FTO: variants seen among roughly 807,000 people sequenced by gnomAD.
The protein encoded by FTO is alpha-ketoglutarate-dependent dioxygenase FTO.
A neutral mutation model predicts 63.9 loss-of-function variants in FTO; 47 were observed. That is an observed-to-expected ratio of 0.74 (90% CI 0.58 to 0.94). The LOEUF is 0.94. FTO is among the 40% of genes least tolerant of loss of function. The pLI, the probability that FTO is intolerant of heterozygous loss-of-function variation, is 0.00. For missense variants in FTO, 562 were observed against 618.1 expected, an observed-to-expected ratio of 0.91 and a Z score of 0.96; for synonymous variants, 207 against 224.4, an observed-to-expected ratio of 0.92 and a Z score of 0.69.
intron 7 of FTO, among the ~76,000 whole-genome samples, chr16:53,904,824 C>T (rs1443240968): frequency 6.6e-6 from 1 of 152,092 alleles, no homozygotes; most frequent in Non-Finnish European, 1.5e-5. Flanking sequence ...CTTCCTCCAC[C>T]TGTCAGTCTT....
chr16:54,091,695 T>C (rs1485831955), intron 8 of FTO, among the ~76,000 whole-genome samples: 3 of 152,252 alleles, frequency 2.0e-5, no homozygotes, highest in Non-Finnish European at 4.4e-5. Context: ...TGTAAACCTG[T>C]GAGTGGGCCA....
At chr16:54,097,094 G>A (rs1344429683) in intron 8 of FTO, among the ~76,000 whole-genome samples, 1 of 152,160 alleles carries the variant, frequency 6.6e-6, no homozygotes. Flanking sequence ...ATGGACGTAA[G>A]CCATACTGTT....
At chr16:53,901,728 T>C (rs116016559) in intron 7 of FTO, among the ~76,000 whole-genome samples, 2,327 of 152,288 alleles carry the variant, frequency 0.015, 45 homozygotes, top group African/African-American at 0.053. Context: ...CCTTTGCACA[T>C]AAATTTCTGC....
intron 5 of FTO, among the ~76,000 whole-genome samples, chr16:53,879,546 C>T (rs2080762949): frequency 6.6e-6 from 1 of 151,916 alleles, no homozygotes; most frequent in Admixed American, 6.6e-5. Context: ...ATTAGCTGGG[C>T]AGAGTAGTGC....
chr16:53,938,631 T>C (rs2082447892), intron 8 of FTO, among the ~76,000 whole-genome samples: 1 of 152,224 alleles, frequency 6.6e-6, no homozygotes, highest in South Asian at 2.1e-4. Flanking sequence ...TTTCAGGGTT[T>C]ATCTGGGGAT....
chr16:53,706,776 C>T (rs902467871), intron 1 of FTO, among the ~76,000 whole-genome samples: 2 of 152,062 alleles, frequency 1.3e-5, no homozygotes, highest in African/African-American at 4.8e-5. Context: ...AATTAGTGGC[C>T]CACTGTATGG....
intron 7 of FTO, chr16:53,911,478 T>A (rs1193026771): frequency 1.4e-6 from 1 of 702,934 alleles, no homozygotes; most frequent in Non-Finnish European, 2.6e-6. Context: ...AGAATTTCAG[T>A]AGAATGGTAA....
chr16:53,831,504 C>A (rs1185616608), intron 3 of FTO, among the ~76,000 whole-genome samples: 1 of 152,048 alleles, frequency 6.6e-6, no homozygotes, highest in African/African-American at 2.4e-5. Flanking sequence ...TTTTTTCATG[C>A]CTATGCAATT....
At chr16:54,024,647 ATTAC>A (rs1380763094) in intron 8 of FTO, among the ~76,000 whole-genome samples, 1 of 152,178 alleles carries the variant, frequency 6.6e-6, no homozygotes, top group Admixed American at 6.5e-5. Context: ...CATTGGGCAA[ATTAC>A]TTAACCATTC....
chr16:53,952,623 C>T (rs1293186521), intron 8 of FTO, among the ~76,000 whole-genome samples: 5 of 152,186 alleles, frequency 3.3e-5, no homozygotes, highest in Non-Finnish European at 7.3e-5. Flanking sequence ...AAGTGAAACT[C>T]TCTAGCAAAG....
At chr16:53,982,120 A>T (rs1248893716) in intron 8 of FTO, among the ~76,000 whole-genome samples, 1 of 152,106 alleles carries the variant, frequency 6.6e-6, no homozygotes, top group Non-Finnish European at 1.5e-5. Flanking sequence ...CTTCATTTCA[A>T]TATCTCCATC....
intron 1 of FTO, among the ~76,000 whole-genome samples, chr16:53,744,543 A>G (rs923962341): frequency 9.2e-5 from 14 of 152,278 alleles, no homozygotes; most frequent in Non-Finnish European, 1.6e-4. Context: ...TTACTCTGGG[A>G]AGTCAGAGCT....
At chr16:54,066,835 C>T (rs1170547096) in intron 8 of FTO, among the ~76,000 whole-genome samples, 3 of 152,232 alleles carry the variant, frequency 2.0e-5, no homozygotes, top group Non-Finnish European at 2.9e-5. Flanking sequence ...CACAATACTG[C>T]ACTGTAGAGG....
rs772936017 is a variant in FTO, at chr16:53,965,178, A to G, written c.1364+31069A>G. On this transcript the variant is annotated intron_variant, in intron 8 of 8. Coordinates refer to ENST00000471389, the MANE Select transcript of FTO (RefSeq NM_001080432.3). ...AACCTCCGCCTCCTGGGTTCAAGCGATTCTCCTGCCTCAGCCTCCCAAGTA... is the reference window on the plus strand; with the variant it reads ...AACCTCCGCCTCCTGGGTTCAAGCGGTTCTCCTGCCTCAGCCTCCCAAGTA... Among the ~76,000 whole-genome samples, 32 of 152,210 alleles carry G rather than the reference A, an allele frequency of 2.1e-4. 1 individual carries two copies. The highest frequency in any genetic ancestry group is 7.2e-4 in the African/African-American group (30 of 41,544).
chr16:53,706,147 A>G (rs2075613683), intron 1 of FTO, among the ~76,000 whole-genome samples: 1 of 152,148 alleles, frequency 6.6e-6, no homozygotes, highest in Non-Finnish European at 1.5e-5. Context: ...TTTTTTCTTT[A>G]AAAAATTGGC....
chr16:53,933,159 A>G (rs530214626), intron 7 of FTO, among the ~76,000 whole-genome samples: 1 of 152,358 alleles, frequency 6.6e-6, no homozygotes, highest in East Asian at 1.9e-4. Flanking sequence ...GTAGTGTTTC[A>G]AGTTACAGGA....
intron 8 of FTO, 59 bp from the exon 9 acceptor site, chr16:54,111,703 G>C: frequency 6.3e-7 from 1 of 1,590,122 alleles, no homozygotes; most frequent in South Asian, 1.1e-5. Flanking sequence ...GCTTCCTGTG[G>C]GTTGGGGTCT....
chr16:53,949,505 G>C (rs1454406611), intron 8 of FTO, among the ~76,000 whole-genome samples: 1 of 152,106 alleles, frequency 6.6e-6, no homozygotes, highest in African/African-American at 2.4e-5. Flanking sequence ...ATTTCATAAG[G>C]GTTCTTAGAA....
chr16:53,937,412 T>TGAC (rs1243218381), intron 8 of FTO: 3 of 394,930 alleles, frequency 7.6e-6, no homozygotes, highest in African/African-American at 6.2e-5. Context: ...CCCTCTGATC[T>TGAC]GACCCCTTCT....
Sources: gnomAD v4.1 joint callset for allele counts (sites outside exome capture counted in the v4.1 genomes callset) on GRCh38, gnomAD v4.1.1 for gene constraint, MANE v1.5 for transcripts, NCBI Gene and HGNC (gene_info 2026-07-23, HGNC 2026-07-21) for gene names.